The following ACO2 variants were observed in gnomAD, a reference collection of about 807,000 sequenced individuals.
ACO2 encodes the protein aconitate hydratase, mitochondrial.
ACO2 carries 31 observed loss-of-function variants against 84.5 expected under a neutral mutation model. That is an observed-to-expected ratio of 0.37 (90% CI 0.28 to 0.50). The LOEUF is 0.50. Among genes scored for constraint, ACO2 ranks in the 20% least tolerant of loss-of-function variants. The pLI is 0.97. For synonymous variants in ACO2, 414 were observed against 412.7 expected, an observed-to-expected ratio of 1.00 and a Z score of -0.04; for missense variants, 685 against 1,029.3, an observed-to-expected ratio of 0.67 and a Z score of 4.58.
At chr22:41,517,703 C>T in intron 7 of ACO2, 72 bp downstream of exon 7, 1 of 1,374,196 alleles carries the variant, frequency 7.3e-7, no homozygotes, top group South Asian at 1.2e-5. Flanking sequence ...CAGAGCTATG[C>T]CTTTCCCTGT....
intron 15 of ACO2, chr22:41,527,020 G>A: frequency 3.7e-6 from 2 of 546,878 alleles, no homozygotes; most frequent in East Asian, 3.2e-5. Flanking sequence ...ACACACACCT[G>A]CCTCTGCCAA....
At chr22:41,523,807 C>T (rs1296455144) in intron 11 of ACO2, 23 bp from the exon 12 acceptor site, 2 of 1,600,206 alleles carry the variant, frequency 1.2e-6, no homozygotes, top group Non-Finnish European at 1.7e-6. Flanking sequence ...ATATCCCTAA[C>T]CCTGATCCCT....
At chr22:41,479,521 A>G (rs1314655556) in intron 1 of ACO2, among the ~76,000 whole-genome samples, 1 of 152,122 alleles carries the variant, frequency 6.6e-6, no homozygotes, top group East Asian at 1.9e-4. Flanking sequence ...CAGTCAGCCA[A>G]ACCGTTTCCC....
At position 41,518,538 on chromosome 22, in the gene ACO2, A is replaced by G. The variant is rs2066494038; in HGVS notation, c.998A>G (p.His333Arg). ...KDHLVPDPGC[H>R]YDQLIEINLS... Reference sequence around the variant, plus strand: ...CACTTGGTGCCTGACCCTGGCTGCCATTATGACCAACTAATTGAAATTAAC... The same window carrying G: ...CACTTGGTGCCTGACCCTGGCTGCCGTTATGACCAACTAATTGAAATTAAC... Residue 333 changes from histidine to arginine, a missense_variant, in exon 8 of 18, where the codon CAT becomes CGT. Physicochemically the swap from His to Arg is conservative, Grantham distance 29. Coordinates refer to ENST00000216254, the MANE Select transcript of ACO2 (RefSeq NM_001098.3). The G allele has an allele frequency of 1.2e-6, 2 of 1,613,764 alleles. No homozygotes were observed. Among genetic ancestry groups the G allele is most frequent in the Non-Finnish European group, 1.7e-6 (2 of 1,179,798 alleles).
rs926246283 is a variant in ACO2, at chr22:41,504,711, C to CTTTTTTTT, written c.174-3057_174-3050dup. On this transcript the variant is annotated intron_variant, in intron 2 of 17. Transcript: ENST00000216254. Reference sequence around the variant, plus strand: ...GCCAGCAGATCCAGCACCTTAGGGACTTTTTTTTTTTTTTTTTTTTTTTTT... The same window carrying CTTTTTTTT: ...GCCAGCAGATCCAGCACCTTAGGGACTTTTTTTTTTTTTTTTTTTTTTTTTTTTTTTTT... Among the ~76,000 whole-genome samples, 4 of 48,590 alleles carry CTTTTTTTT rather than the reference C, an allele frequency of 8.2e-5. 1 individual carries two copies. The highest frequency in any genetic ancestry group is 7.7e-5 in the African/African-American group (1 of 12,920). 31.9% of individuals were successfully genotyped at this position (48,590 alleles called of 152,430 possible).
At chr22:41,477,160 ATTTATTTT>A (rs1276172788) in intron 1 of ACO2, among the ~76,000 whole-genome samples, 1 of 137,816 alleles carries the variant, frequency 7.3e-6, no homozygotes, top group African/African-American at 3.3e-5. Flanking sequence ...TTATTTATTT[ATTTATTTT>A]TTTGAGACGG....
chr22:41,493,865 T>A (rs1354127814), intron 1 of ACO2, among the ~76,000 whole-genome samples: 1 of 152,126 alleles, frequency 6.6e-6, no homozygotes, highest in Non-Finnish European at 1.5e-5. Context: ...TCGAGACCAG[T>A]CTGACCAATA....
intron 2 of ACO2, among the ~76,000 whole-genome samples, chr22:41,500,999 C>A (rs2066350203): frequency 6.6e-6 from 1 of 151,466 alleles, no homozygotes; most frequent in South Asian, 2.1e-4. Flanking sequence ...CCACTGTGCC[C>A]AGCTGGGACT....
rs1432832943 is a variant in ACO2, at chr22:41,499,710, A to G, written c.37-16A>G. The G allele has an allele frequency of 6.2e-7, 1 of 1,609,846 alleles. No individual in the cohort carries two copies. The highest frequency in any genetic ancestry group is 2.2e-5 in the East Asian group (1 of 44,846). Reference sequence around the variant, plus strand: ...AAGTGCTCCATTGACAGTGGCTGTCATGTTTCTTCTTGCAGAAAGCTCTGG... The same window carrying G: ...AAGTGCTCCATTGACAGTGGCTGTCGTGTTTCTTCTTGCAGAAAGCTCTGG... On this transcript the variant is annotated splice_polypyrimidine_tract_variant and intron_variant, in intron 1 of 17. Coordinates refer to ENST00000216254, the MANE Select transcript of ACO2 (RefSeq NM_001098.3).
intron 17 of ACO2, 80 bp from the exon 18 acceptor site, chr22:41,528,399 C>A (rs1162847160): frequency 6.4e-6 from 10 of 1,557,656 alleles, no homozygotes; most frequent in Non-Finnish European, 8.7e-6. Flanking sequence ...CCAGGCAGTG[C>A]CCTGTCTCCC....
chr22:41,475,191 G>C (rs995060197), intron 1 of ACO2, among the ~76,000 whole-genome samples: 21 of 45,580 alleles, frequency 4.6e-4, no homozygotes, highest in Middle Eastern at 0.015. Context: ...TTTTTTTTTT[G>C]AGATAGGGCC....
intron 1 of ACO2, among the ~76,000 whole-genome samples, chr22:41,491,859 G>T (rs190859285): frequency 4.6e-5 from 7 of 152,336 alleles, no homozygotes; most frequent in Admixed American, 3.9e-4. Flanking sequence ...CAGCAGTTAA[G>T]TGGTGGAGCT....
At chr22:41,506,897 C>CT (rs71184814) in intron 2 of ACO2, among the ~76,000 whole-genome samples, 3 of 151,944 alleles carry the variant, frequency 2.0e-5, no homozygotes, top group Non-Finnish European at 4.4e-5. Flanking sequence ...ACAACAGCCC[C>CT]TTTGCTCTGT....
chr22:41,525,425 A>T (rs2066573713), intron 14 of ACO2, 77 bp downstream of exon 14: 1 of 1,561,172 alleles, frequency 6.4e-7, no homozygotes, highest in African/African-American at 1.4e-5. Context: ...AAGGGCCATG[A>T]ACCTGGAGGA....
At chr22:41,477,170 T>C (rs1033642750) in intron 1 of ACO2, among the ~76,000 whole-genome samples, 1 of 150,522 alleles carries the variant, frequency 6.6e-6, no homozygotes, top group African/African-American at 2.5e-5. Flanking sequence ...ATTTATTTTT[T>C]TGAGACGGAG....
At chr22:41,505,679 ATACT>A (rs1013306288) in intron 2 of ACO2, among the ~76,000 whole-genome samples, 4 of 152,086 alleles carry the variant, frequency 2.6e-5, no homozygotes, top group African/African-American at 9.7e-5. Context: ...ATACATGAAA[ATACT>A]TAAGATAATG....
rs778272400 is a variant in ACO2 at position 41,499,779 on chromosome 22, C to A, written c.90C>A (p.Ala30=). ...TGGCCTCAGTCCTGTGCCAACGGGC[C>A]AAGGTGGCGATGAGCCACTTTGAGC... is the stretch of plus-strand genomic sequence containing the variant. ...YHVASVLCQR[A]KVAMSHFEPN... is the part of the protein sequence containing the mutation. The change falls in exon 2 of 18, where the codon GCC becomes GCA. Residue 30 remains alanine (A), a synonymous_variant. Transcript: ENST00000216254. 1 of 1,613,894 alleles carries A rather than the reference C, an allele frequency of 6.2e-7. No individual in the cohort carries two copies. Among genetic ancestry groups the A allele is most frequent in the African/African-American group, 1.3e-5 (1 of 74,930 alleles).
chr22:41,509,564 T>C (rs1433731513), intron 3 of ACO2, among the ~76,000 whole-genome samples: 1 of 152,124 alleles, frequency 6.6e-6, no homozygotes, highest in Non-Finnish European at 1.5e-5. Flanking sequence ...ACCTGAGGAC[T>C]GAACATATGA....
chr22:41,471,394 G>A (rs1239446735), intron 1 of ACO2, among the ~76,000 whole-genome samples: 1 of 152,210 alleles, frequency 6.6e-6, no homozygotes, highest in African/African-American at 2.4e-5. Context: ...GTTTCTCTGA[G>A]AAGCTTGTAT....
Sources: gnomAD v4.1 joint callset for allele counts (sites outside exome capture counted in the v4.1 genomes callset) on GRCh38, gnomAD v4.1.1 for gene constraint, MANE v1.5 for transcripts, NCBI Gene and HGNC (gene_info 2026-07-23, HGNC 2026-07-21) for gene names.